Variants in PDE4D observed in about 807,000 individuals in gnomAD.
PDE4D encodes phosphodiesterase 4D, also known as 3',5'-cyclic-AMP phosphodiesterase 4D.
In PDE4D, 24 loss-of-function variants were observed where a neutral mutation model predicts 87.4. The ratio of observed to expected loss-of-function variants is 0.27; its 90% CI spans 0.20 to 0.39. The LOEUF is 0.39. Among genes scored for constraint, PDE4D ranks in the 10% least tolerant of loss-of-function variants. The probability of loss-of-function intolerance (pLI) is 1.00; values close to 1 mark genes in which losing one functional copy is unlikely to be tolerated. For missense variants in PDE4D, 714 were observed against 1,041.0 expected (o/e 0.69, Z 4.32); for synonymous variants, 384 against 383.2 (o/e 1.00, Z -0.02).
chr5:59,768,362 C>G (rs865968276), intron 1 of PDE4D: 6 of 1,598,206 alleles, frequency 3.8e-6, no homozygotes, highest in Non-Finnish European at 4.2e-6. Context: ...TTGGGAGAAA[C>G]CGATTTCCTC....
At chr5:59,615,365 CT>C (rs1301360955) in intron 1 of PDE4D, among the ~76,000 whole-genome samples, 8 of 152,248 alleles carry the variant, frequency 5.3e-5, no homozygotes, top group African/African-American at 1.9e-4. Flanking sequence ...TAAATGGCCT[CT>C]TAAACTTTAA....
At chr5:59,660,001 A>C (rs2150280991) in intron 1 of PDE4D, among the ~76,000 whole-genome samples, 1 of 152,274 alleles carries the variant, frequency 6.6e-6, no homozygotes, top group African/African-American at 2.4e-5. Flanking sequence ...CCTGGGCAAC[A>C]TGGCGAGGCC....
chr5:59,855,570 T>C (rs917544077), intron 1 of PDE4D, among the ~76,000 whole-genome samples: 1 of 152,182 alleles, frequency 6.6e-6, no homozygotes, highest in Non-Finnish European at 1.5e-5. Context: ...TCATAGTTCA[T>C]ATTTAATAAT....
chr5:59,914,323 G>T (rs1218758848), intron 3 of PDE4D, among the ~76,000 whole-genome samples: 9 of 152,090 alleles, frequency 5.9e-5, no homozygotes, highest in Non-Finnish European at 1.3e-4. Flanking sequence ...GAGCCTGGGA[G>T]AGGGAGGTAT....
intron 1 of PDE4D, among the ~76,000 whole-genome samples, chr5:60,252,346 T>C (rs752989617): frequency 6.6e-6 from 1 of 151,562 alleles, no homozygotes; most frequent in Non-Finnish European, 1.5e-5. Context: ...TTTTTAAAAA[T>C]GCCATTCCAA....
chr5:59,519,191 C>A (rs1323134961), intron 1 of PDE4D, among the ~76,000 whole-genome samples: 2 of 152,138 alleles, frequency 1.3e-5, no homozygotes, highest in Non-Finnish European at 2.9e-5. Flanking sequence ...GTGACAGGTA[C>A]CATTCTAGGC....
At chr5:59,715,012 T>A in intron 1 of PDE4D, among the ~76,000 whole-genome samples, 1 of 152,252 alleles carries the variant, frequency 6.6e-6, no homozygotes, top group East Asian at 1.9e-4. Flanking sequence ...AGTAGGCTTT[T>A]GGTCCCAACT....
chr5:59,071,268 G>A (rs1295220616), intron 5 of PDE4D, among the ~76,000 whole-genome samples: 3 of 151,840 alleles, frequency 2.0e-5, no homozygotes, highest in Non-Finnish European at 4.4e-5. Flanking sequence ...ACTTTATATT[G>A]TGCTAAATGC....
chr5:59,488,764 A>T (rs950786819), intron 1 of PDE4D, among the ~76,000 whole-genome samples: 1 of 151,664 alleles, frequency 6.6e-6, no homozygotes, highest in Non-Finnish European at 1.5e-5. Context: ...GTATGCATCT[A>T]AATACAAAAA....
chr5:59,172,852 A>G (rs1783231114), intron 5 of PDE4D: 2 of 152,076 alleles, frequency 1.3e-5, no homozygotes, highest in African/African-American at 4.8e-5. Flanking sequence ...GAGCGTATGC[A>G]TGCCATATAT....
intron 1 of PDE4D, among the ~76,000 whole-genome samples, chr5:59,556,162 A>C (rs1818878834): frequency 6.6e-6 from 1 of 152,160 alleles, no homozygotes; most frequent in East Asian, 1.9e-4. Context: ...TCTGACTACT[A>C]AGTTCTCTTG....
intron 1 of PDE4D, among the ~76,000 whole-genome samples, chr5:59,381,938 A>G (rs955891671): frequency 3.3e-5 from 5 of 152,192 alleles, no homozygotes; most frequent in African/African-American, 4.8e-5. Flanking sequence ...GGGCTTAGAA[A>G]AGTGAATGAA....
chr5:60,330,148 G>A (rs1445603095), intron 1 of PDE4D, among the ~76,000 whole-genome samples: 2 of 152,196 alleles, frequency 1.3e-5, no homozygotes, highest in East Asian at 1.9e-4. Flanking sequence ...TTTGTGAAAG[G>A]AAACTTTGAT....
upstream of PDE4D, among the ~76,000 whole-genome samples, chr5:59,895,395 T>C (rs891841211): frequency 2.0e-5 from 3 of 152,248 alleles, no homozygotes; most frequent in African/African-American, 7.2e-5. Flanking sequence ...ATGTGGACTA[T>C]ACACAAAATC....
intron 3 of PDE4D, among the ~76,000 whole-genome samples, chr5:59,187,266 CTAATT>C (rs1157167658): frequency 6.6e-6 from 1 of 151,934 alleles, no homozygotes; most frequent in African/African-American, 2.4e-5. Context: ...AATAAGTAAT[CTAATT>C]TAATATTATT....
In PDE4D at chr5:59,707,135, G is replaced by A. The variant is rs111641394; in HGVS notation, c.455+186033C>T. ...AGTAACATTATTTTAAAAACTGTAC[G>A]TCTTCTTAGCTGTACACAGAAGTGA... On this transcript the variant is annotated intron_variant, in intron 1 of 14. Coordinates refer to ENST00000340635, the MANE Select transcript of PDE4D (RefSeq NM_001104631.2). Among the ~76,000 whole-genome samples the A allele has an allele frequency of 7.2e-5, 11 of 152,188 alleles. No homozygotes were observed. In the South Asian group the frequency reaches 8.3e-4, roughly 11 times the overall value.
intron 1 of PDE4D, among the ~76,000 whole-genome samples, chr5:59,746,637 G>A (rs1759646823): frequency 1.3e-5 from 2 of 151,892 alleles, no homozygotes; most frequent in African/African-American, 2.4e-5. Flanking sequence ...CCCAATTCCT[G>A]CAAACTCGCC....
rs1390839163 is a variant in PDE4D, at chr5:59,587,009, A to G, written c.455+306159T>C. The G allele has an allele frequency of 4.1e-6, 4 of 985,328 alleles. No homozygotes were observed. In the African/African-American group the frequency reaches 7.0e-5, roughly 17 times the overall value. 61.0% of individuals were successfully genotyped at this position (985,328 alleles called of 1,614,324 possible). On this transcript the variant is annotated intron_variant, in intron 1 of 14. Transcript: ENST00000340635. ...AAAGCCAACTTCTTTCCCAGATTTC[A>G]GAATTGCTGGTTCAACTGCAAAAGT...
At chr5:60,495,202 A>G (rs986816356) in intron 1 of PDE4D, among the ~76,000 whole-genome samples, 1 of 152,210 alleles carries the variant, frequency 6.6e-6, no homozygotes, top group African/African-American at 2.4e-5. Context: ...GTTGCTCTAT[A>G]TCTAACTTCA....
Sources: allele counts gnomAD v4.1 joint callset (sites outside exome capture counted in the v4.1 genomes callset), GRCh38; gene constraint gnomAD v4.1.1; transcripts MANE v1.5; gene names NCBI Gene and HGNC (gene_info 2026-07-23, HGNC 2026-07-21).